Variants in CDK14 observed in about 807,000 individuals in gnomAD.
CDK14 encodes the protein cyclin dependent kinase 14.
In CDK14, 34 loss-of-function variants were observed where a neutral mutation model predicts 60.7. That is an observed-to-expected ratio of 0.56 (90% CI 0.43 to 0.75). The LOEUF (loss-of-function observed/expected upper bound fraction) is 0.75. Ranked by LOEUF, CDK14 falls within the 30% of genes least tolerant of loss-of-function variation. The probability of loss-of-function intolerance (pLI) is 0.00; values close to 1 mark genes in which losing one functional copy is unlikely to be tolerated. For synonymous variants in CDK14, 197 were observed against 203.7 expected, an observed-to-expected ratio of 0.97 and a Z score of 0.28; for missense variants, 482 against 564.1, an observed-to-expected ratio of 0.85 and a Z score of 1.47.
At chr7:90,871,335 A>G (rs1213676424) in intron 6 of CDK14, among the ~76,000 whole-genome samples, 1 of 152,158 alleles carries the variant, frequency 6.6e-6, no homozygotes, top group Non-Finnish European at 1.5e-5. Context: ...GGGTGGAGGA[A>G]AGGTAACTTA....
chr7:90,604,826 A>C (rs1799384257), intron 2 of CDK14, among the ~76,000 whole-genome samples: 1 of 152,246 alleles, frequency 6.6e-6, no homozygotes, highest in African/African-American at 2.4e-5. Flanking sequence ...TGTGATTTTA[A>C]AATTGCAGTC....
chr7:90,857,007 G>T (rs1436229734), intron 5 of CDK14, among the ~76,000 whole-genome samples: 1 of 152,108 alleles, frequency 6.6e-6, no homozygotes, highest in Non-Finnish European at 1.5e-5. Flanking sequence ...TGGCGGATGG[G>T]CTGTGTGTCT....
chr7:90,738,570 C>T (rs1803220245), intron 3 of CDK14, among the ~76,000 whole-genome samples: 1 of 152,192 alleles, frequency 6.6e-6, no homozygotes, highest in Non-Finnish European at 1.5e-5. Context: ...GTGTTAACAT[C>T]ATCTCATTAA....
chr7:90,950,456 T>C (rs891191411), intron 8 of CDK14, among the ~76,000 whole-genome samples: 2 of 152,184 alleles, frequency 1.3e-5, no homozygotes, highest in Non-Finnish European at 2.9e-5. Flanking sequence ...GACTTGCTAG[T>C]GTAATAATCC....
chr7:90,838,799 C>T (rs368894371), intron 5 of CDK14, among the ~76,000 whole-genome samples: 4 of 152,142 alleles, frequency 2.6e-5, no homozygotes, highest in South Asian at 2.1e-4. Context: ...AGATGTTTAT[C>T]AAGACAATGC....
chr7:90,858,943 A>G (rs1289447017), intron 5 of CDK14, among the ~76,000 whole-genome samples: 1 of 152,220 alleles, frequency 6.6e-6, no homozygotes, highest in Non-Finnish European at 1.5e-5. Context: ...TTGTTTCTTC[A>G]AAGTTAATGT....
intron 4 of CDK14, among the ~76,000 whole-genome samples, chr7:90,755,132 G>A (rs549870257): frequency 1.3e-5 from 2 of 152,168 alleles, no homozygotes; most frequent in South Asian, 2.1e-4. Context: ...CAAAAGAAAC[G>A]AAATTGTTCT....
chr7:90,999,310 C>T (rs895545262), intron 10 of CDK14, among the ~76,000 whole-genome samples: 5 of 151,754 alleles, frequency 3.3e-5, no homozygotes, highest in South Asian at 2.1e-4. Flanking sequence ...TCACCAGGGC[C>T]GGGCAGGGTG....
chr7:90,636,226 A>G (rs555277003), intron 2 of CDK14, among the ~76,000 whole-genome samples: 1 of 152,078 alleles, frequency 6.6e-6, no homozygotes, highest in African/African-American at 2.4e-5. Flanking sequence ...TTTCAAATGG[A>G]ATGGTTCCAG....
chr7:90,640,647 A>G (rs17866576), intron 2 of CDK14, among the ~76,000 whole-genome samples: 4 of 152,072 alleles, frequency 2.6e-5, no homozygotes, highest in African/African-American at 4.8e-5. Flanking sequence ...GGATACATTT[A>G]AAAGAATAAT....
intron 2 of CDK14, among the ~76,000 whole-genome samples, chr7:90,717,744 A>C (rs1802300437): frequency 6.6e-6 from 1 of 152,088 alleles, no homozygotes; most frequent in Admixed American, 6.6e-5. Flanking sequence ...TTTTAGTTAA[A>C]GGGGAAAGCT....
At chr7:90,726,365 T>C in intron 2 of CDK14, 1 of 1,317,308 alleles carries the variant, frequency 7.6e-7, no homozygotes, top group Non-Finnish European at 9.9e-7. Context: ...GTGTAAGCTC[T>C]AGTGTGAGAT....
chr7:91,195,988 G>T (rs1026355777), intron 14 of CDK14, among the ~76,000 whole-genome samples: 1 of 152,196 alleles, frequency 6.6e-6, no homozygotes, highest in South Asian at 2.1e-4. Context: ...GTCCTTGCCT[G>T]TGCAAGAATG....
chr7:91,052,365 T>C (rs1797416871), intron 11 of CDK14, among the ~76,000 whole-genome samples: 1 of 152,268 alleles, frequency 6.6e-6, no homozygotes, highest in Admixed American at 6.5e-5. Flanking sequence ...AATAGCATTC[T>C]ACTGAATGTG....
chr7:90,785,832 CTCCCACAAGAAAATTT>C lies in CDK14; in HGVS notation c.465-4739_465-4724del, dbSNP rs1805558381. Reference sequence around the variant, plus strand: ...GAGAAAACTTCTAGACCTTGCTTTACTCCCACAAGAAAATTTTATATTTACAAATTTAGGGCACACA... The same window carrying C: ...GAGAAAACTTCTAGACCTTGCTTTACTATATTTACAAATTTAGGGCACACA... On this transcript the variant is annotated intron_variant, in intron 4 of 14. Transcript: ENST00000380050. Among the ~76,000 whole-genome samples, 4 of 149,842 alleles carry C rather than the reference CTCCCACAAGAAAATTT, an allele frequency of 2.7e-5. No individual in the cohort carries two copies. The South Asian group carries it at 8.6e-4, about 32-fold the overall frequency.
chr7:91,059,312 T>C (rs1797699173), intron 11 of CDK14, among the ~76,000 whole-genome samples: 1 of 152,216 alleles, frequency 6.6e-6, no homozygotes, highest in Admixed American at 6.5e-5. Context: ...TTTATTAGTC[T>C]TGCTAGCGGT....
At chr7:90,651,129 T>G (rs1311089681) in intron 2 of CDK14, among the ~76,000 whole-genome samples, 1 of 152,202 alleles carries the variant, frequency 6.6e-6, no homozygotes, top group Non-Finnish European at 1.5e-5. Context: ...CTCTTTTGTT[T>G]CATTGAGCAG....
chr7:90,973,909 G>A (rs1003202767), intron 9 of CDK14, among the ~76,000 whole-genome samples: 3 of 152,064 alleles, frequency 2.0e-5, no homozygotes, highest in African/African-American at 4.8e-5. Context: ...AACAGGGTTC[G>A]AGAGCAGACA....
intron 14 of CDK14, among the ~76,000 whole-genome samples, chr7:91,206,513 A>G (rs1802902605): frequency 6.6e-6 from 1 of 152,200 alleles, no homozygotes; most frequent in South Asian, 2.1e-4. Context: ...TAAGGGCCAA[A>G]AGGAAGTACG....
Sources: allele counts gnomAD v4.1 joint callset (sites outside exome capture counted in the v4.1 genomes callset), GRCh38; gene constraint gnomAD v4.1.1; transcripts MANE v1.5; gene names NCBI Gene and HGNC (gene_info 2026-07-23, HGNC 2026-07-21).